Variants in ERBB4 observed in about 807,000 individuals in gnomAD.
The protein encoded by ERBB4 is receptor tyrosine-protein kinase erbB-4.
Under a neutral mutation model 158.0 loss-of-function variants are expected in ERBB4, and 42 were observed. The observed-to-expected ratio is 0.27, with a 90% CI of 0.21 to 0.34. The LOEUF is 0.34. Ranked by LOEUF, ERBB4 falls within the 10% of genes least tolerant of loss-of-function variation. ERBB4 has a pLI of 1.00. For missense variants in ERBB4, 1,333 were observed against 1,624.1 expected (o/e 0.82, Z 3.08); for synonymous variants, 583 against 558.7 (o/e 1.04, Z -0.61).
At chr2:211,913,725 T>C (rs1435131984) in intron 3 of ERBB4, among the ~76,000 whole-genome samples, 4 of 151,230 alleles carry the variant, frequency 2.6e-5, no homozygotes, top group Non-Finnish European at 5.9e-5. Context: ...TTTGGTATAG[T>C]GTCTATCACG....
At chr2:211,854,801 AGTGT>A (rs374216061) in intron 3 of ERBB4, among the ~76,000 whole-genome samples, 4 of 151,854 alleles carry the variant, frequency 2.6e-5, no homozygotes, top group African/African-American at 7.3e-5. Flanking sequence ...TGTCCTTTGA[AGTGT>A]GTGTGTGTGC....
chr2:211,461,701 T>C (rs2064535989), intron 20 of ERBB4, among the ~76,000 whole-genome samples: 1 of 152,012 alleles, frequency 6.6e-6, no homozygotes, highest in African/African-American at 2.4e-5. Flanking sequence ...CACTACGAAA[T>C]GTAGGCCGGC....
intron 19 of ERBB4, among the ~76,000 whole-genome samples, chr2:211,582,093 T>G (rs12619171): frequency 6.6e-6 from 1 of 151,838 alleles, no homozygotes; most frequent in Non-Finnish European, 1.5e-5. Flanking sequence ...ACTACAGGCA[T>G]GACAATTACT....
chr2:211,972,396 A>G (rs2081480008), intron 2 of ERBB4, among the ~76,000 whole-genome samples: 1 of 152,214 alleles, frequency 6.6e-6, no homozygotes, highest in Admixed American at 6.5e-5. Flanking sequence ...AGAATTAGAG[A>G]AAACTATTTT....
intron 1 of ERBB4, among the ~76,000 whole-genome samples, chr2:212,390,769 T>C (rs1198562482): frequency 6.6e-6 from 1 of 151,822 alleles, no homozygotes; most frequent in East Asian, 1.9e-4. Flanking sequence ...GTCTTTTTAT[T>C]TTTTCTTCTT....
chr2:211,786,479 G>C (rs911839697), intron 4 of ERBB4, among the ~76,000 whole-genome samples: 3 of 152,126 alleles, frequency 2.0e-5, no homozygotes, highest in Non-Finnish European at 4.4e-5. Context: ...TTTTGCACCT[G>C]CAATTATTTA....
chr2:211,480,174 T>C (rs1010284500), intron 20 of ERBB4, among the ~76,000 whole-genome samples: 1 of 152,164 alleles, frequency 6.6e-6, no homozygotes, highest in Non-Finnish European at 1.5e-5. Context: ...TTTCCTCTTG[T>C]CCTTCATGCC....
chr2:212,148,628 C>T (rs1025291521), intron 1 of ERBB4, among the ~76,000 whole-genome samples: 1 of 151,808 alleles, frequency 6.6e-6, no homozygotes, highest in Admixed American at 6.6e-5. Flanking sequence ...ATCAAAGATA[C>T]CACAGTTTAA....
chr2:211,912,478 A>G (rs571618263), intron 3 of ERBB4, among the ~76,000 whole-genome samples: 1 of 152,292 alleles, frequency 6.6e-6, no homozygotes, highest in African/African-American at 2.4e-5. Context: ...ATCACTTTGT[A>G]CCTCATACTT....
At chr2:212,385,697 T>C (rs1333615002) in intron 1 of ERBB4, among the ~76,000 whole-genome samples, 1 of 151,874 alleles carries the variant, frequency 6.6e-6, no homozygotes, top group East Asian at 1.9e-4. Flanking sequence ...TGGGTCTTTT[T>C]TGTTTTGTTT....
intron 20 of ERBB4, among the ~76,000 whole-genome samples, chr2:211,444,989 CTAGACATAA>C (rs2064074065): frequency 6.6e-6 from 1 of 151,908 alleles, no homozygotes. Flanking sequence ...TAAGAACATT[CTAGACATAA>C]TAAAAAGCAC....
chr2:211,892,546 A>C (rs1414537698), intron 3 of ERBB4, among the ~76,000 whole-genome samples: 4 of 142,288 alleles, frequency 2.8e-5, no homozygotes, highest in Non-Finnish European at 6.1e-5. Flanking sequence ...TAGTGTTGGA[A>C]GTTCTGGCCA....
intron 1 of ERBB4, among the ~76,000 whole-genome samples, chr2:212,303,444 T>C (rs185377756): frequency 8.9e-4 from 134 of 151,386 alleles, no homozygotes; most frequent in Middle Eastern, 3.4e-3. Context: ...AGGAACTTTG[T>C]TCTACTGATA....
At chr2:211,954,458 A>G (rs1423168250) in intron 2 of ERBB4, among the ~76,000 whole-genome samples, 4 of 145,284 alleles carry the variant, frequency 2.8e-5, no homozygotes, top group Non-Finnish European at 6.2e-5. Context: ...TAATCAGTCA[A>G]AAAGATCCAA....
intron 1 of ERBB4, among the ~76,000 whole-genome samples, chr2:212,223,058 A>T (rs2083349264): frequency 6.6e-6 from 1 of 151,454 alleles, no homozygotes; most frequent in Non-Finnish European, 1.5e-5. Context: ...AATAACTCTT[A>T]GGGGGCTAGG....
At chr2:212,467,881 G>A (rs925091155) in intron 1 of ERBB4, among the ~76,000 whole-genome samples, 1 of 152,208 alleles carries the variant, frequency 6.6e-6, no homozygotes, top group Non-Finnish European at 1.5e-5. Flanking sequence ...GCTGTATCCT[G>A]CAAAGCCATA....
At chr2:211,771,147 T>C (rs1020258061) in intron 4 of ERBB4, among the ~76,000 whole-genome samples, 1 of 152,212 alleles carries the variant, frequency 6.6e-6, no homozygotes, top group Non-Finnish European at 1.5e-5. Context: ...TTCTCTTCTT[T>C]AAACAAAAGG....
chr2:211,561,827 T>G, intron 20 of ERBB4, 76 bp downstream of exon 20: 2 of 1,253,102 alleles, frequency 1.6e-6, no homozygotes, highest in Non-Finnish European at 2.3e-6. Context: ...CAACATATTT[T>G]CAATATGAAA....
rs184537415 is a variant in ERBB4 at position 212,476,113 on chromosome 2, C to T, written c.82+62336G>A. On this transcript the variant is annotated intron_variant, in intron 1 of 27. Transcript: ENST00000342788. The stretch of plus-strand genomic sequence containing the variant: ...CCCATAAATTAAAACATGCCACATC[C>T]CCACCAAACACACATACATACTCTC... 3.7e-3 allele frequency among the ~76,000 whole-genome samples: 563 copies of T among 151,120 alleles called. 5 individuals carry two copies. Among genetic ancestry groups the T allele is most frequent in the African/African-American group, 0.013 (534 of 41,038 alleles).
Sources: gnomAD v4.1 joint callset for allele counts (sites outside exome capture counted in the v4.1 genomes callset) on GRCh38, gnomAD v4.1.1 for gene constraint, MANE v1.5 for transcripts, NCBI Gene and HGNC (gene_info 2026-07-23, HGNC 2026-07-21) for gene names.